Variants in HECW2 observed in about 807,000 individuals in gnomAD.
HECW2 encodes the protein HECT, C2 and WW domain containing E3 ubiquitin protein ligase 2.
In HECW2, 61 loss-of-function variants were observed where a neutral mutation model predicts 175.2. The ratio of observed to expected loss-of-function variants is 0.35; its 90% CI spans 0.28 to 0.43. The LOEUF is 0.43. Ranked by LOEUF, HECW2 falls within the 20% of genes least tolerant of loss-of-function variation. HECW2 has a pLI of 1.00. For missense variants in HECW2, 1,524 were observed against 2,000.5 expected, an observed-to-expected ratio of 0.76 and a Z score of 4.54; for synonymous variants, 671 against 731.0, an observed-to-expected ratio of 0.92 and a Z score of 1.32.
chr2:196,532,489 T>C (rs1359758473), intron 1 of HECW2, among the ~76,000 whole-genome samples: 1 of 151,728 alleles, frequency 6.6e-6, no homozygotes, highest in Admixed American at 6.6e-5. Flanking sequence ...GGGGTGGGTG[T>C]CTAGGGGAGG....
intron 19 of HECW2, among the ~76,000 whole-genome samples, chr2:196,246,485 T>C (rs1224597074): frequency 2.0e-5 from 3 of 152,122 alleles, no homozygotes; most frequent in East Asian, 3.9e-4. Flanking sequence ...CCCGGGTTCA[T>C]GCCATTCTCC....
chr2:196,312,587 G>A (rs767050591), intron 10 of HECW2, among the ~76,000 whole-genome samples: 6 of 152,124 alleles, frequency 3.9e-5, no homozygotes, highest in Non-Finnish European at 7.3e-5. Flanking sequence ...TTCCCCATAC[G>A]GAGTTGCGGT....
At chr2:196,537,584 G>A (rs1479113797) in intron 1 of HECW2, among the ~76,000 whole-genome samples, 4 of 152,144 alleles carry the variant, frequency 2.6e-5, no homozygotes, top group Non-Finnish European at 5.9e-5. Flanking sequence ...ACTGGTGTCA[G>A]AGGCGTTCGA....
intron 28 of HECW2, among the ~76,000 whole-genome samples, chr2:196,209,017 G>A (rs1053517852): frequency 1.3e-5 from 2 of 152,204 alleles, no homozygotes; most frequent in African/African-American, 4.8e-5. Flanking sequence ...GGTGAGGGGG[G>A]ATGGTGTCAT....
chr2:196,308,422 C>T (rs960635949), intron 10 of HECW2, among the ~76,000 whole-genome samples: 3 of 152,142 alleles, frequency 2.0e-5, no homozygotes, highest in Non-Finnish European at 4.4e-5. Flanking sequence ...CAGATATTCA[C>T]GTCAAAATGG....
chr2:196,535,468 T>C (rs1445476111), intron 1 of HECW2, among the ~76,000 whole-genome samples: 1 of 152,206 alleles, frequency 6.6e-6, no homozygotes, highest in Non-Finnish European at 1.5e-5. Flanking sequence ...TTGGATAACA[T>C]ACTAAAAGAT....
intron 1 of HECW2, among the ~76,000 whole-genome samples, chr2:196,537,439 G>A (rs1392059614): frequency 6.6e-6 from 1 of 152,062 alleles, no homozygotes; most frequent in East Asian, 1.9e-4. Context: ...GAGATCAGGA[G>A]GCAGCAAAGC....
At chr2:196,479,162 G>C (rs893539895) in intron 1 of HECW2, among the ~76,000 whole-genome samples, 1 of 152,112 alleles carries the variant, frequency 6.6e-6, no homozygotes, top group Non-Finnish European at 1.5e-5. Flanking sequence ...AGTGAACCCA[G>C]GGCCTTTCAC....
chr2:196,478,501 T>C (rs1039310469), intron 1 of HECW2, among the ~76,000 whole-genome samples: 5 of 152,150 alleles, frequency 3.3e-5, no homozygotes, highest in African/African-American at 1.2e-4. Context: ...TTCTGTTACT[T>C]ATACCCAACA....
intron 13 of HECW2, among the ~76,000 whole-genome samples, chr2:196,298,121 T>C (rs1462290801): frequency 1.3e-5 from 2 of 152,198 alleles, no homozygotes; most frequent in Non-Finnish European, 2.9e-5. Flanking sequence ...AAAGCCACAG[T>C]AGTAATTATT....
intron 1 of HECW2, among the ~76,000 whole-genome samples, chr2:196,514,313 A>G (rs1688066595): frequency 6.6e-6 from 1 of 152,218 alleles, no homozygotes. Context: ...TATAGTCTGT[A>G]AAGTTCCCTT....
At position 196,201,398 on chromosome 2, in the gene HECW2, C is replaced by A. The variant is rs1269746588; in HGVS notation, c.4608-10G>T. The A allele has an allele frequency of 1.6e-5, 25 of 1,570,682 alleles. No individual in the cohort carries two copies. The highest frequency in any genetic ancestry group is 2.2e-5 in the Non-Finnish European group (25 of 1,140,632). On this transcript the variant is annotated splice_polypyrimidine_tract_variant and intron_variant, in intron 28 of 28. Transcript: ENST00000644978. ...AAAACATGTATGCGCTCTGAAAACA[C>A]AAGAAACAGCACATAGTTTAGAACA...
intron 1 of HECW2, among the ~76,000 whole-genome samples, chr2:196,542,571 T>C: frequency 6.6e-6 from 1 of 152,020 alleles, no homozygotes; most frequent in South Asian, 2.1e-4. Context: ...AGATGGTAAA[T>C]ATTGAAAAGT....
rs777910729 is a variant in HECW2, at chr2:196,292,712, C to T, written c.2853G>A (p.Lys951=). The stretch of plus-strand genomic sequence containing the variant: ...CCCTCCGGACTTTGGTGATCATGTG[C>T]TTCAAACACGTGTTGTTTGTAAACA... The part of the protein sequence containing the change: ...YRMFTNNTCL[K]HMITKVRRDT... Residue 951 remains lysine, a synonymous_variant, in exon 14 of 29, where the codon AAG becomes AAA. Transcript: ENST00000644978. The T allele has an allele frequency of 8.1e-6, 13 of 1,613,748 alleles. No individual in the cohort carries two copies. The African/African-American group carries it at 1.3e-4, about 17-fold the overall frequency.
intron 10 of HECW2, among the ~76,000 whole-genome samples, chr2:196,311,091 C>A (rs779194249): frequency 6.6e-6 from 1 of 152,210 alleles, no homozygotes; most frequent in Non-Finnish European, 1.5e-5. Flanking sequence ...ACCTGACAAT[C>A]CTATTTTAGC....
At chr2:196,244,732 C>G (rs1457762341) in intron 19 of HECW2, among the ~76,000 whole-genome samples, 1 of 152,178 alleles carries the variant, frequency 6.6e-6, no homozygotes, top group Non-Finnish European at 1.5e-5. Context: ...TGGAACACAG[C>G]AGCAACAGCT....
chr2:196,208,860 T>C (rs1018686829), intron 28 of HECW2, among the ~76,000 whole-genome samples: 2 of 152,178 alleles, frequency 1.3e-5, no homozygotes, highest in African/African-American at 4.8e-5. Context: ...GTCTGGATTT[T>C]ATTCTAAGCC....
At chr2:196,283,443 T>C (rs1005305145) in intron 14 of HECW2, among the ~76,000 whole-genome samples, 4 of 150,454 alleles carry the variant, frequency 2.7e-5, no homozygotes, top group African/African-American at 4.9e-5. Flanking sequence ...TGGCACAATC[T>C]TGGCTCCCTG....
intron 15 of HECW2, 81 bp from the exon 16 acceptor site, chr2:196,274,204 A>G (rs761540440): frequency 1.1e-6 from 1 of 945,934 alleles, no homozygotes; most frequent in Non-Finnish European, 1.7e-6. Flanking sequence ...GTTGTTCAAA[A>G]TATTAACAAT....
Sources: gnomAD v4.1 joint callset for allele counts (sites outside exome capture counted in the v4.1 genomes callset) on GRCh38, gnomAD v4.1.1 for gene constraint, MANE v1.5 for transcripts, NCBI Gene and HGNC (gene_info 2026-07-23, HGNC 2026-07-21) for gene names.